Variants in NOTCH2 observed in about 807,000 individuals in gnomAD.
The protein encoded by NOTCH2 is neurogenic locus notch homolog protein 2.
NOTCH2 carries 29 observed loss-of-function variants against 235.8 expected under a neutral mutation model. The observed-to-expected ratio is 0.12, with a 90% CI of 0.09 to 0.17. The LOEUF (loss-of-function observed/expected upper bound fraction) is 0.17. NOTCH2 is among the 10% of genes least tolerant of loss of function. The pLI, the probability that NOTCH2 is intolerant of heterozygous loss-of-function variation, is 1.00. For synonymous variants in NOTCH2, 1,086 were observed against 1,141.5 expected (o/e 0.95, Z 0.98); for missense variants, 2,285 against 3,150.2 (o/e 0.73, Z 6.57).
At position 119,941,627 on chromosome 1, in the gene NOTCH2, A is replaced by G; in HGVS notation, c.2880T>C (p.Asn960=). The G allele has an allele frequency of 6.2e-7, 1 of 1,614,166 alleles. No individual in the cohort carries two copies. Among genetic ancestry groups the G allele is most frequent in the Non-Finnish European group, 8.5e-7 (1 of 1,180,018 alleles). ...MNECLSEPCK[N]GGTCSDYVNS... ...TGACGTAGTCAGAGCAGGTCCCTCCATTCTTACAGGGTTCACTCAGACACT... is the reference window on the plus strand; with the variant it reads ...TGACGTAGTCAGAGCAGGTCCCTCCGTTCTTACAGGGTTCACTCAGACACT... The change falls in exon 18 of 34, where the codon AAT becomes AAC. Residue 960 remains asparagine (N), a synonymous_variant. Coordinates refer to ENST00000256646, the MANE Select transcript of NOTCH2 (RefSeq NM_024408.4).
chr1:119,986,515 A>G (rs1652023893), intron 5 of NOTCH2, among the ~76,000 whole-genome samples: 1 of 152,230 alleles, frequency 6.6e-6, no homozygotes, highest in Non-Finnish European at 1.5e-5. Flanking sequence ...TAGTTATAGA[A>G]CATGACATTA....
intron 24 of NOTCH2, 50 bp downstream of exon 24, chr1:119,926,449 T>G: frequency 7.7e-7 from 1 of 1,304,802 alleles, no homozygotes; most frequent in Non-Finnish European, 1.1e-6. Context: ...TGTTCACAGA[T>G]TGTATGGAAG....
Position 119,948,645 on chromosome 1 carries a change from T to C in NOTCH2, c.2600-79A>G, listed in dbSNP as rs587620226. On this transcript the variant is annotated intron_variant, in intron 16 of 33. Transcript: ENST00000256646. ...AAATCTACGCAGGACCTGAGCTTAG[T>C]TGGGGTGCATGGAGCTATTCCACAG... 68 of 1,516,042 alleles carry C rather than the reference T, an allele frequency of 4.5e-5. No homozygotes were observed. The South Asian group carries it at 6.1e-4, about 14-fold the overall frequency. 93.9% of individuals were successfully genotyped at this position (1,516,042 alleles called of 1,614,324 possible).
intron 12 of NOTCH2, among the ~76,000 whole-genome samples, chr1:119,956,863 G>T (rs1650722066): frequency 6.6e-6 from 1 of 152,152 alleles, no homozygotes; most frequent in Non-Finnish European, 1.5e-5. Flanking sequence ...TTGATTGACA[G>T]CTGTTCCATC....
At chr1:120,015,353 A>AG (rs1287113609) in intron 2 of NOTCH2, among the ~76,000 whole-genome samples, 2 of 152,010 alleles carry the variant, frequency 1.3e-5, no homozygotes, top group African/African-American at 4.8e-5. Flanking sequence ...TGAGCTCTAG[A>AG]GGGGGGAGCT....
chr1:119,981,710 T>A (rs1651818375), intron 5 of NOTCH2, among the ~76,000 whole-genome samples: 1 of 152,156 alleles, frequency 6.6e-6, no homozygotes, highest in South Asian at 2.1e-4. Flanking sequence ...TGCTTCAGGT[T>A]AGCACTGTGG....
At chr1:119,963,177 A>AGGAAGGAG (rs1213269454) in intron 11 of NOTCH2, among the ~76,000 whole-genome samples, 1 of 134,968 alleles carries the variant, frequency 7.4e-6, no homozygotes, top group East Asian at 2.3e-4. Flanking sequence ...GAAGGAAGGT[A>AGGAAGGAG]GGTAGGAAGG....
chr1:119,922,270 G>T lies in NOTCH2; in HGVS notation c.5179C>A (p.Arg1727Ser). ...ACAGCATCCTGTCCCACTGGCTCACGACGCTTGTGATTGCTTGCATCTCGG... is the reference window on the plus strand; with the variant it reads ...ACAGCATCCTGTCCCACTGGCTCACTACGCTTGTGATTGCTTGCATCTCGG... ...LRRDASNHKR[R>S]EPVGQDAVGL... The change falls in exon 28 of 34, where the codon CGT (arginine) becomes AGT (serine). Residue 1727 changes from arginine to serine, a missense_variant. Arg to Ser is a moderately radical substitution (Grantham distance 110). This residue lies in a region of NOTCH2 where 1,173 missense variants were observed against 1,515.3 expected (regional missense o/e 0.77). Coordinates refer to ENST00000256646, the MANE Select transcript of NOTCH2 (RefSeq NM_024408.4). 1 of 1,614,016 alleles carries T rather than the reference G, an allele frequency of 6.2e-7. No individual in the cohort carries two copies. Among genetic ancestry groups the T allele is most frequent in the Non-Finnish European group, 8.5e-7 (1 of 1,179,982 alleles).
rs781931561 is a variant in NOTCH2, at chr1:119,949,100, G to T, written c.2506C>A (p.Pro836Thr). Reference sequence around the variant, plus strand: ...TTCTCACAAGGGTTTGGGGAACAGGGAGCCAATACTGTCTGACAATTCTTG... The same window carrying T: ...TTCTCACAAGGGTTTGGGGAACAGGTAGCCAATACTGTCTGACAATTCTTG... Reference protein sequence around the residue: ...TGKNCQTVLAPCSPNPCENAA... With the variant: ...TGKNCQTVLATCSPNPCENAA... The change falls in exon 16 of 34, where the codon CCC (proline) becomes ACC (threonine). Residue 836 changes from proline to threonine, a missense_variant. Pro to Thr is a conservative substitution (Grantham distance 38). Transcript: ENST00000256646. The T allele has an allele frequency of 5.0e-6, 8 of 1,614,064 alleles. No individual in the cohort carries two copies. The highest frequency in any genetic ancestry group is 1.1e-5 in the South Asian group (1 of 91,084).
chr1:119,914,337 T>C lies in NOTCH2; in HGVS notation c.*969A>G, dbSNP rs2101139851. 4.3e-6 allele frequency: 1 copy of C among 233,166 alleles called. No individual in the cohort carries two copies. Among genetic ancestry groups the C allele is most frequent in the South Asian group, 1.8e-4 (1 of 5,532 alleles). The allele number at this position is 233,166 out of a possible 1,614,324, so 14.4% of individuals were successfully genotyped here. A position where few individuals can be genotyped will look rare whatever the true frequency, so the allele number is the denominator to read the frequency against. ...CTCTTGCACGAGTTAACTTGTCTCT[T>C]GGTCATTCCAACATTCCAAACCTTT... On this transcript the variant is annotated 3_prime_UTR_variant, in exon 34 of 34. Coordinates refer to ENST00000256646, the MANE Select transcript of NOTCH2 (RefSeq NM_024408.4).
intron 22 of NOTCH2, among the ~76,000 whole-genome samples, chr1:119,930,943 CA>C (rs1262298356): frequency 6.9e-5 from 10 of 145,036 alleles, no homozygotes; most frequent in Non-Finnish European, 9.1e-5. Context: ...CTAAAAAATA[CA>C]AAAAAAAAAT....
rs757093466 is a variant in NOTCH2, at chr1:119,925,477, C to G, written c.4339G>C (p.Ala1447Pro). 6.2e-7 allele frequency: 1 copy of G among 1,614,206 alleles called. No homozygotes were observed. The highest frequency in any genetic ancestry group is 1.1e-5 in the South Asian group (1 of 91,078). The change falls in exon 25 of 34, where the codon GCC (alanine) becomes CCC (proline). Residue 1447 changes from alanine (A) to proline (P), a missense_variant. Around this residue, in one of 6 missense-constraint regions of NOTCH2, gnomAD observed 1,173 missense variants for 1,515.3 expected, o/e 0.77. Transcript: ENST00000256646. ...CAGTCACCCCCATCCCACTGGCAGG[C>G]ATGGCTGTTGCAGGCCTCATCACAG... ...GVCDEACNSH[A>P]CQWDGGDCSL...
chr1:120,010,848 T>C (rs1653161835), intron 2 of NOTCH2, among the ~76,000 whole-genome samples: 1 of 152,110 alleles, frequency 6.6e-6, no homozygotes, highest in East Asian at 1.9e-4. Flanking sequence ...TTATTCATAA[T>C]AGCTAAAAAG....
At chr1:119,929,411 GA>G (rs1482824424) in intron 22 of NOTCH2, among the ~76,000 whole-genome samples, 199 bp from the exon 23 acceptor site, 1 of 152,124 alleles carries the variant, frequency 6.6e-6, no homozygotes, top group Non-Finnish European at 1.5e-5. Context: ...ACAAGTAAAG[GA>G]AAGAACATAC....
chr1:120,007,093 G>C (rs1247598806), intron 2 of NOTCH2, among the ~76,000 whole-genome samples: 2 of 152,178 alleles, frequency 1.3e-5, no homozygotes, highest in Non-Finnish European at 2.9e-5. Context: ...GCATGGCGGA[G>C]CAAGGAGCGG....
chr1:119,957,626 T>G (rs1650754806), intron 12 of NOTCH2, among the ~76,000 whole-genome samples: 1 of 152,086 alleles, frequency 6.6e-6, no homozygotes, highest in Admixed American at 6.6e-5. Flanking sequence ...TAGGCAACAG[T>G]TCCATGAACA....
At position 119,945,657 on chromosome 1, in the gene NOTCH2, A is replaced by C. The variant is rs1345061673; in HGVS notation, c.2752+2757T>G. ...AAAATGATAAATGGGTCAATTCCTC[A>C]AAAGGACATAAGAACCCTAAATGTT... On this transcript the variant is annotated intron_variant, in intron 17 of 33. Transcript: ENST00000256646. Among the ~76,000 whole-genome samples the C allele has an allele frequency of 2.6e-5, 4 of 152,236 alleles. No homozygotes were observed. In the East Asian group the frequency reaches 7.7e-4, roughly 29 times the overall value.
rs143197714 is a variant in NOTCH2 at position 119,915,532 on chromosome 1, G to C, written c.7190C>G (p.Ala2397Gly). 16 of 1,614,014 alleles carry C rather than the reference G, an allele frequency of 9.9e-6. No individual in the cohort carries two copies. The African/African-American group carries it at 2.0e-4, about 20-fold the overall frequency. ...ACTGTGACTGGGTGTTCGCTCAGCA[G>C]CATTTGAGGAAGCATAACTGTGCTG... ...PSQHSYASSN[A>G]AERTPSHSGH... The change falls in exon 34 of 34, where the codon GCT becomes GGT. Residue 2397 changes from alanine (A) to glycine (G), a missense_variant. Around this residue, in one of 6 missense-constraint regions of NOTCH2, gnomAD observed 504 missense variants for 538.0 expected, o/e 0.94. Transcript: ENST00000256646.
At position 119,912,085 on chromosome 1, in the gene NOTCH2, T is replaced by C. The variant is rs951807823; in HGVS notation, c.*3221A>G. On this transcript the variant is annotated 3_prime_UTR_variant, in exon 34 of 34. Coordinates refer to ENST00000256646, the MANE Select transcript of NOTCH2 (RefSeq NM_024408.4). ...TTGGCAAACCTTTTTTATTTTGTGA[T>C]AAAAATGCTTTCATATAAATTTCAT... is the stretch of plus-strand genomic sequence containing the variant. The C allele has an allele frequency of 2.1e-5, 5 of 233,560 alleles. No homozygotes were observed. The East Asian group carries it at 3.0e-4, about 14-fold the overall frequency. 14.5% of individuals were successfully genotyped at this position (233,560 alleles called of 1,614,324 possible).
Sources: allele counts gnomAD v4.1 joint callset (sites outside exome capture counted in the v4.1 genomes callset), GRCh38; gene constraint gnomAD v4.1.1; regional missense constraint gnomAD v4.1.1; transcripts MANE v1.5; gene names NCBI Gene and HGNC (gene_info 2026-07-23, HGNC 2026-07-21).